CACNA1S: variants seen among roughly 807,000 people sequenced by gnomAD.
CACNA1S encodes the protein voltage-dependent L-type calcium channel subunit alpha-1S.
CACNA1S carries 126 observed loss-of-function variants against 207.4 expected under a neutral mutation model. The ratio of observed to expected loss-of-function variants is 0.61; its 90% confidence interval spans 0.53 to 0.70. CACNA1S has a LOEUF of 0.70. CACNA1S is among the 30% of genes least tolerant of loss of function. The probability of loss-of-function intolerance (pLI) is 0.00; values close to 1 mark genes in which losing one functional copy is unlikely to be tolerated. For missense variants in CACNA1S, 2,349 were observed against 2,422.8 expected (o/e 0.97, Z 0.64); for synonymous variants, 960 against 932.7 (o/e 1.03, Z -0.53).
chr1:201,067,857 C>T (rs563728849), intron 19 of CACNA1S, among the ~76,000 whole-genome samples: 110 of 152,274 alleles, frequency 7.2e-4, no homozygotes, highest in Non-Finnish European at 1.1e-3. Flanking sequence ...GTTGAGGCCC[C>T]GAAATAAGGT....
At position 201,043,462 on chromosome 1, in the gene CACNA1S, C is replaced by A; in HGVS notation, c.4867G>T (p.Ala1623Ser). The A allele has an allele frequency of 1.2e-6, 2 of 1,614,032 alleles. No homozygotes were observed. The highest frequency in any genetic ancestry group is 1.7e-6 in the Non-Finnish European group (2 of 1,179,996). Residue 1623 changes from alanine to serine, a missense_variant, in exon 40 of 44, where the codon GCC becomes TCC. Physicochemically the swap from Ala to Ser is moderately conservative, Grantham distance 99. Coordinates refer to ENST00000362061, the MANE Select transcript of CACNA1S (RefSeq NM_000069.3). ...GCAAACTGGAGGGGTCTCTGATTGG[C>A]CATGACGGGGGGCAGGGAGTTGGTC... ...ERTNSLPPVM[A>S]NQRPLQFAEI...
chr1:201,100,954 T>C (rs12131939), intron 2 of CACNA1S, among the ~76,000 whole-genome samples: 13,152 of 152,164 alleles, frequency 0.086, 792 homozygotes, highest in Non-Finnish European at 0.13. Flanking sequence ...AACGCAGTAA[T>C]AGAAGAATGA....
intron 5 of CACNA1S, among the ~76,000 whole-genome samples, chr1:201,091,231 T>C (rs1220203389): frequency 1.3e-5 from 2 of 152,178 alleles, no homozygotes; most frequent in East Asian, 3.9e-4. Context: ...TTTTCTGAGG[T>C]CCCATTCAGA....
rs150590855 is a variant in CACNA1S at position 201,078,005 on chromosome 1, C to A, written c.1493G>T (p.Arg498Leu). Residue 498 changes from arginine (R) to leucine (L), a missense_variant, in exon 11 of 44, where the codon CGC becomes CTC. Coordinates refer to ENST00000362061, the MANE Select transcript of CACNA1S (RefSeq NM_000069.3). ...GCTACACACCACGAAGCAGTCGAAG[C>A]GGTTGAAGATAGACATGAAGTACTG... ...LRQYFMSIFN[R>L]FDCFVVCSGI... 9.3e-4 allele frequency: 1,496 copies of A among 1,614,166 alleles called. 1 individual carries two copies. The highest frequency in any genetic ancestry group is 1.2e-3 in the Non-Finnish European group (1,409 of 1,179,998).
chr1:201,110,879 T>C (rs1663074315), intron 1 of CACNA1S, among the ~76,000 whole-genome samples: 1 of 152,150 alleles, frequency 6.6e-6, no homozygotes, highest in Admixed American at 6.5e-5. Context: ...GGCCCATGGC[T>C]TTCTCGACTT....
At chr1:201,093,631 G>T (rs893700542) in intron 3 of CACNA1S, among the ~76,000 whole-genome samples, 3 of 152,222 alleles carry the variant, frequency 2.0e-5, no homozygotes, top group Admixed American at 6.5e-5. Context: ...GATGTGAGGA[G>T]GATAATGGAA....
intron 18 of CACNA1S, 132 bp from the exon 19 acceptor site, chr1:201,069,328 G>A: frequency 7.1e-7 from 1 of 1,409,832 alleles, no homozygotes; most frequent in Non-Finnish European, 9.9e-7. Flanking sequence ...AAGGAGTGGA[G>A]TGGGCAGTCC....
chr1:201,075,424 A>T, intron 13 of CACNA1S, 71 bp downstream of exon 13: 32 of 1,573,502 alleles, frequency 2.0e-5, no homozygotes, highest in African/African-American at 4.1e-5. Flanking sequence ...GACACCCTTG[A>T]CCCCCATTTT....
chr1:201,051,019 A>C lies in CACNA1S; in HGVS notation c.4078T>G (p.Tyr1360Asp). Residue 1360 changes from tyrosine to aspartate, a missense_variant, in exon 33 of 44, where the codon TAC becomes GAC. By Grantham distance (160) the Tyr-to-Asp change is radical. Transcript: ENST00000362061. ...YTCGTNFAYYYFISFYMLCAF... is the reference protein window; with the variant it reads ...YTCGTNFAYYDFISFYMLCAF... ...CAGAGCATGTAGAAGCTGATGAAGT[A>C]GTAGTATGCAAAGTTGGTGCCACAT... The C allele has an allele frequency of 6.2e-7, 1 of 1,614,234 alleles. No individual in the cohort carries two copies. The highest frequency in any genetic ancestry group is 2.2e-5 in the East Asian group (1 of 44,884).
At chr1:201,063,504 G>A (rs1003377381) in intron 22 of CACNA1S, among the ~76,000 whole-genome samples, 3 of 152,076 alleles carry the variant, frequency 2.0e-5, no homozygotes, top group African/African-American at 7.2e-5. Context: ...GGTCAGGCTG[G>A]TTTTGAACTC....
At position 201,069,446 on chromosome 1, in the gene CACNA1S, G is replaced by A. The variant is rs768166100; in HGVS notation, c.2490+26C>T. On this transcript the variant is annotated intron_variant, in intron 18 of 43. Coordinates refer to ENST00000362061, the MANE Select transcript of CACNA1S (RefSeq NM_000069.3). ...AGGCTGGAGGGGGCAGGGGTGCTGAGTGGCAGAGAGGGTGAAGCCCGTCAC... is the reference window on the plus strand; with the variant it reads ...AGGCTGGAGGGGGCAGGGGTGCTGAATGGCAGAGAGGGTGAAGCCCGTCAC... The A allele has an allele frequency of 2.2e-5, 36 of 1,606,026 alleles. No homozygotes were observed. In the East Asian group the frequency reaches 7.4e-4, roughly 33 times the overall value.
At chr1:201,105,427 G>A (rs537687616) in intron 2 of CACNA1S, among the ~76,000 whole-genome samples, 21 of 152,338 alleles carry the variant, frequency 1.4e-4, no homozygotes, top group Admixed American at 3.3e-4. Flanking sequence ...AGGAAACTGA[G>A]GGAACAGAAA....
At chr1:201,056,066 G>GACACACACACACAC (rs1350288817) in intron 28 of CACNA1S, among the ~76,000 whole-genome samples, 2 of 68,306 alleles carry the variant, frequency 2.9e-5, no homozygotes, top group African/African-American at 1.2e-4. Flanking sequence ...CAGACAGACA[G>GACACACACACACAC]ACAGACACAC....
Position 201,047,186 on chromosome 1 carries a change from A to C in CACNA1S, c.4597T>G (p.Phe1533Val). The C allele has an allele frequency of 1.9e-6, 3 of 1,614,204 alleles. No individual in the cohort carries two copies. Among genetic ancestry groups the C allele is most frequent in the Non-Finnish European group, 2.5e-6 (3 of 1,180,020 alleles). The change falls in exon 38 of 44, where the codon TTC (phenylalanine) becomes GTC (valine). Residue 1533 changes from phenylalanine (F) to valine (V), a missense_variant. By Grantham distance (50) the Phe-to-Val change is conservative (BLOSUM62 -1). Coordinates refer to ENST00000362061, the MANE Select transcript of CACNA1S (RefSeq NM_000069.3). ...FYATFLIQEHFRKFMKRQEEY... is the reference protein window; with the variant it reads ...FYATFLIQEHVRKFMKRQEEY... ...TCTTGGCGTTTCATGAACTTCCGGA[A>C]GTGCTCCTGGATGAGGAATGTGGCG... is the stretch of plus-strand genomic sequence containing the variant.
intron 6 of CACNA1S, 104 bp downstream of exon 6, chr1:201,089,154 T>A (rs1403309543): frequency 3.8e-6 from 4 of 1,061,886 alleles, no homozygotes; most frequent in Non-Finnish European, 5.8e-6. Flanking sequence ...GTCACGCAAG[T>A]CAGAGACTGG....
chr1:201,096,449 TC>T (rs1241991695), intron 2 of CACNA1S, among the ~76,000 whole-genome samples: 1 of 152,174 alleles, frequency 6.6e-6, no homozygotes, highest in Admixed American at 6.5e-5. Context: ...TGAGGGATAG[TC>T]ATTCCACAGA....
At chr1:201,067,237 A>G (rs1394953483) in intron 19 of CACNA1S, among the ~76,000 whole-genome samples, 2 of 152,200 alleles carry the variant, frequency 1.3e-5, no homozygotes, top group Non-Finnish European at 2.9e-5. Flanking sequence ...TTTACATGCC[A>G]TAGGGAACCC....
intron 26 of CACNA1S, 88 bp downstream of exon 26, chr1:201,060,570 A>T (rs571817468): frequency 1.4e-6 from 2 of 1,383,640 alleles, no homozygotes; most frequent in African/African-American, 2.9e-5. Flanking sequence ...ACTGGGGGGA[A>T]TCCTGGCTAT....
rs371335125 is a variant in CACNA1S at position 201,072,850 on chromosome 1, A to G, written c.2158-26T>C. 5.0e-6 allele frequency: 8 copies of G among 1,594,182 alleles called. No individual in the cohort carries two copies. The African/African-American group carries it at 9.4e-5, about 19-fold the overall frequency. ...CTGTAGGAAGGAACACAATGACTAT[A>G]ACAATGAAAAAGAAGTTGCGGTTTC... On this transcript the variant is annotated intron_variant, in intron 15 of 43. Coordinates refer to ENST00000362061, the MANE Select transcript of CACNA1S (RefSeq NM_000069.3).
Sources: gnomAD v4.1 joint callset for allele counts (sites outside exome capture counted in the v4.1 genomes callset) on GRCh38, gnomAD v4.1.1 for gene constraint, MANE v1.5 for transcripts, NCBI Gene and HGNC (gene_info 2026-07-23, HGNC 2026-07-21) for gene names.